SIPA1L1: variants seen among roughly 807,000 people sequenced by gnomAD.
The protein encoded by SIPA1L1 is signal induced proliferation associated 1 like 1, also known as signal-induced proliferation-associated 1-like protein 1.
A neutral mutation model predicts 162.7 loss-of-function variants in SIPA1L1; 26 were observed. The ratio of observed to expected loss-of-function variants is 0.16; its 90% CI spans 0.12 to 0.22. The LOEUF is 0.22. Among genes scored for constraint, SIPA1L1 ranks in the 10% least tolerant of loss-of-function variants. The pLI is 1.00. For synonymous variants in SIPA1L1, 829 were observed against 837.4 expected (o/e 0.99, Z 0.17); for missense variants, 1,874 against 2,241.0 (o/e 0.84, Z 3.31).
At chr14:71,640,268 T>C (rs2041576172) in intron 7 of SIPA1L1, among the ~76,000 whole-genome samples, 1 of 152,176 alleles carries the variant, frequency 6.6e-6, no homozygotes, top group Non-Finnish European at 1.5e-5. Context: ...AATCTACAAG[T>C]ATTAAATTTT....
chr14:71,506,958 C>G (rs2050729506), intron 2 of SIPA1L1, among the ~76,000 whole-genome samples: 1 of 152,160 alleles, frequency 6.6e-6, no homozygotes, highest in East Asian at 1.9e-4. Flanking sequence ...GCTACCTTGC[C>G]TGGCCTGTTT....
intron 2 of SIPA1L1, among the ~76,000 whole-genome samples, chr14:71,461,538 C>T (rs888090154): frequency 1.1e-4 from 17 of 152,232 alleles, no homozygotes; most frequent in Admixed American, 6.5e-4. Context: ...AATAACTTCA[C>T]AGTTTTTGAC....
intron 17 of SIPA1L1, among the ~76,000 whole-genome samples, chr14:71,712,358 C>T (rs928962763): frequency 5.9e-5 from 9 of 152,284 alleles, no homozygotes; most frequent in Admixed American, 6.5e-5. Flanking sequence ...AAAGAAGCCA[C>T]ACATACTGGT....
intron 2 of SIPA1L1, among the ~76,000 whole-genome samples, chr14:71,434,381 A>G (rs1221292366): frequency 3.9e-5 from 6 of 152,228 alleles, no homozygotes; most frequent in Non-Finnish European, 5.9e-5. Context: ...GTTTAATCAC[A>G]AAGTAATTAG....
chr14:71,695,519 T>C (rs1271725102), intron 13 of SIPA1L1, among the ~76,000 whole-genome samples: 5 of 152,266 alleles, frequency 3.3e-5, no homozygotes, highest in Non-Finnish European at 7.3e-5. Flanking sequence ...AAGCAGCCTC[T>C]AAATACAAAT....
intron 2 of SIPA1L1, among the ~76,000 whole-genome samples, chr14:71,509,387 A>G (rs1012540807): frequency 8.5e-5 from 13 of 152,342 alleles, no homozygotes; most frequent in African/African-American, 3.1e-4. Context: ...ATACGTCTAC[A>G]AATTTGGAGC....
At chr14:71,324,404 C>T (rs1455922555) in intron 2 of SIPA1L1, among the ~76,000 whole-genome samples, 2 of 152,078 alleles carry the variant, frequency 1.3e-5, no homozygotes, top group Non-Finnish European at 2.9e-5. Flanking sequence ...TTTTTTCCTA[C>T]CTTAGAGCCT....
chr14:71,501,432 A>G (rs76976980), intron 2 of SIPA1L1, among the ~76,000 whole-genome samples: 6,267 of 152,254 alleles, frequency 0.041, 267 homozygotes, highest in African/African-American at 0.11. Context: ...ACAATGTGAA[A>G]CAAAAGAAGA....
At chr14:71,541,085 C>G (rs899573798) in intron 4 of SIPA1L1, among the ~76,000 whole-genome samples, 1 of 151,832 alleles carries the variant, frequency 6.6e-6, no homozygotes, top group Non-Finnish European at 1.5e-5. Context: ...CCAAGATTCT[C>G]CAGCCTGGGT....
chr14:71,364,474 C>T (rs1477598743), intron 2 of SIPA1L1, among the ~76,000 whole-genome samples: 1 of 152,144 alleles, frequency 6.6e-6, no homozygotes, highest in East Asian at 1.9e-4. Context: ...AATCTGGCTA[C>T]TTTCATTTAA....
intron 2 of SIPA1L1, among the ~76,000 whole-genome samples, chr14:71,363,599 A>G (rs2038006333): frequency 6.6e-6 from 1 of 152,182 alleles, no homozygotes; most frequent in Admixed American, 6.5e-5. Flanking sequence ...TTAATTTTCA[A>G]GCTCAAAATG....
At chr14:71,620,499 GT>G (rs532867682) in intron 6 of SIPA1L1, among the ~76,000 whole-genome samples, 2 of 152,036 alleles carry the variant, frequency 1.3e-5, no homozygotes, top group African/African-American at 4.8e-5. Flanking sequence ...TTTCTGTGTT[GT>G]TTTTTTGTCC....
At chr14:71,394,273 T>C (rs2041009036) in intron 2 of SIPA1L1, among the ~76,000 whole-genome samples, 1 of 152,238 alleles carries the variant, frequency 6.6e-6, no homozygotes, top group Non-Finnish European at 1.5e-5. Flanking sequence ...TACCTTAGTT[T>C]AAATTTCTCC....
chr14:71,500,405 A>T (rs1258403600), intron 2 of SIPA1L1, among the ~76,000 whole-genome samples: 1 of 152,182 alleles, frequency 6.6e-6, no homozygotes, highest in East Asian at 1.9e-4. Flanking sequence ...GGCCCTCAAA[A>T]TCATATGGTG....
chr14:71,321,939 A>C (rs1035138331), intron 2 of SIPA1L1: 1 of 152,210 alleles, frequency 6.6e-6, no homozygotes, highest in Non-Finnish European at 1.5e-5. Context: ...AATTGTTGGC[A>C]TTCGTTTTCT....
Position 71,510,177 on chromosome 14 carries a change from C to CTTTTTTTTTTT in SIPA1L1, c.-464-2552_-464-2542dup, listed in dbSNP as rs985233367. ...GCTAGTTCCCCTTAATCCCCCCCAC[C>CTTTTTTTTTTT]TTTTTTTTTTTTTTTTTTTTTTTTG... On this transcript the variant is annotated intron_variant, in intron 2 of 23. Coordinates refer to ENST00000381232, the MANE Select transcript of SIPA1L1 (RefSeq NM_001386936.1). Among the ~76,000 whole-genome samples the CTTTTTTTTTTT allele has an allele frequency of 1.1e-3, 82 of 77,492 alleles. 1 individual carries two copies. The highest frequency in any genetic ancestry group is 1.1e-3 in the Non-Finnish European group (47 of 44,448). The allele number at this position is 77,492 out of a possible 152,430, so 50.8% of individuals were successfully genotyped here.
intron 2 of SIPA1L1, among the ~76,000 whole-genome samples, chr14:71,365,786 T>A (rs961972351): frequency 1.3e-5 from 2 of 151,784 alleles, no homozygotes; most frequent in African/African-American, 4.8e-5. Context: ...CGTGCAGTGC[T>A]GAGATCTTGG....
chr14:71,701,501 C>T (rs555811532), intron 14 of SIPA1L1, among the ~76,000 whole-genome samples: 16 of 152,132 alleles, frequency 1.1e-4, no homozygotes, highest in African/African-American at 3.9e-4. Flanking sequence ...CAGGCGTGAG[C>T]CACTGCTCCT....
rs533130363 is a variant in SIPA1L1 at position 71,495,381 on chromosome 14, C to A, written c.-464-17362C>A. ...CTCTCTAGGAATTTGTCCATTTAAT[C>A]TAATTTGTCTAATTTGATGGCATAC... On this transcript the variant is annotated intron_variant, in intron 2 of 23. Coordinates refer to ENST00000381232, the MANE Select transcript of SIPA1L1 (RefSeq NM_001386936.1). Among the ~76,000 whole-genome samples, 4 of 151,578 alleles carry A rather than the reference C, an allele frequency of 2.6e-5. No individual in the cohort carries two copies. The South Asian group carries it at 6.2e-4, about 24-fold the overall frequency.
Sources: gnomAD v4.1 joint callset for allele counts (sites outside exome capture counted in the v4.1 genomes callset) on GRCh38, gnomAD v4.1.1 for gene constraint, MANE v1.5 for transcripts, NCBI Gene and HGNC (gene_info 2026-07-23, HGNC 2026-07-21) for gene names.